Variants in KLHDC2 observed in about 807,000 individuals in gnomAD.
KLHDC2 encodes the protein kelch domain-containing protein 2.
A neutral mutation model predicts 62.3 loss-of-function variants in KLHDC2; 38 were observed. That is an observed-to-expected ratio of 0.61 (90% CI 0.47 to 0.80). KLHDC2 has a LOEUF of 0.80. KLHDC2 is among the 30% of genes least tolerant of loss of function. The pLI is 0.00. For synonymous variants in KLHDC2, 159 were observed against 161.0 expected (o/e 0.99, Z 0.09); for missense variants, 430 against 495.3 (o/e 0.87, Z 1.25).
chr14:49,781,816 A>G (rs761636719), intron 10 of KLHDC2, among the ~76,000 whole-genome samples: 1 of 152,208 alleles, frequency 6.6e-6, no homozygotes, highest in Non-Finnish European at 1.5e-5. Context: ...AACACTGATA[A>G]TTTTCTCTTG....
rs765718382 is a variant in KLHDC2, at chr14:49,782,973, A to T, written c.*20A>T. ...TCTTAAGGCTTCATAAATAATGCCT[A>T]TGATCACCTTGCATGGACAGCAATC... On this transcript the variant is annotated 3_prime_UTR_variant, in exon 13 of 13. Coordinates refer to ENST00000298307, the MANE Select transcript of KLHDC2 (RefSeq NM_014315.3). 3 of 1,607,848 alleles carry T rather than the reference A, an allele frequency of 1.9e-6. No homozygotes were observed. The East Asian group carries it at 6.7e-5, about 36-fold the overall frequency.
chr14:49,773,171 T>C (rs1318625734), intron 2 of KLHDC2, among the ~76,000 whole-genome samples: 2 of 152,010 alleles, frequency 1.3e-5, no homozygotes, highest in Non-Finnish European at 2.9e-5. Flanking sequence ...CCCAGCACTT[T>C]GGGAAGCCGA....
In KLHDC2 at chr14:49,782,585, C is replaced by T. The variant is rs1478535502; in HGVS notation, c.1088C>T (p.Ser363Phe). 1.9e-6 allele frequency: 3 copies of T among 1,604,960 alleles called. No homozygotes were observed. The highest frequency in any genetic ancestry group is 2.6e-6 in the Non-Finnish European group (3 of 1,173,802). Reference protein sequence around the residue: ...EILIFSVQPKSLVRLSLEAVI... With the variant: ...EILIFSVQPKFLVRLSLEAVI... ...CTAATATTTTCAGTTCAACCAAAAT[C>T]TCTTGTACGGTAAGTAACTTTGTAC... The change falls in exon 12 of 13, where the codon TCT (serine) becomes TTT (phenylalanine). Residue 363 changes from serine to phenylalanine, a missense_variant. Transcript: ENST00000298307.
chr14:49,770,368 G>C (rs2139788365), intron 1 of KLHDC2, among the ~76,000 whole-genome samples: 1 of 152,314 alleles, frequency 6.6e-6, no homozygotes, highest in East Asian at 1.9e-4. Context: ...AGGACAGGCT[G>C]GTCCCCTGTG....
chr14:49,778,359 C>T, intron 5 of KLHDC2, 52 bp from the exon 6 acceptor site: 2 of 1,356,394 alleles, frequency 1.5e-6, no homozygotes, highest in Non-Finnish European at 2.1e-6. Context: ...GGCAGGCTGT[C>T]TAATTTTATA....
At chr14:49,782,508 G>C in intron 11 of KLHDC2, 34 bp from the exon 12 acceptor site, 2 of 1,598,182 alleles carry the variant, frequency 1.3e-6, no homozygotes, top group Middle Eastern at 3.3e-4. Context: ...CAAAGCATTT[G>C]CTTTTAAATG....
At chr14:49,782,024 C>T (rs1294975734) in intron 10 of KLHDC2, 3 of 218,446 alleles carry the variant, frequency 1.4e-5, no homozygotes, top group Admixed American at 5.8e-5. Flanking sequence ...ATCCCTCAGA[C>T]GTTCTGTGTA....
At chr14:49,782,278 C>A in intron 10 of KLHDC2, 92 bp from the exon 11 acceptor site, 2 of 769,256 alleles carry the variant, frequency 2.6e-6, no homozygotes, top group Non-Finnish European at 4.3e-6. Context: ...ACCTTAAGAT[C>A]GCTAGTCTTT....
chr14:49,781,437 A>C (rs2139803149), intron 10 of KLHDC2, among the ~76,000 whole-genome samples: 1 of 150,768 alleles, frequency 6.6e-6, no homozygotes, highest in South Asian at 2.1e-4. Context: ...ATCACATGGG[A>C]GGCGAGGTAC....
chr14:49,775,585 T>A (rs1889753586), intron 3 of KLHDC2, among the ~76,000 whole-genome samples: 1 of 146,542 alleles, frequency 6.8e-6, no homozygotes, highest in African/African-American at 2.5e-5. Flanking sequence ...TTGGAAGGAG[T>A]AGCCAAGATA....
chr14:49,768,403 T>G lies in KLHDC2; in HGVS notation c.-66T>G. ...TCGCGCCGCTGTGCATTTCTCTCCT[T>G]TTCCTTTGTTTTTTTGGCCCCTCGC... On this transcript the variant is annotated 5_prime_UTR_variant, in exon 1 of 13. Coordinates refer to ENST00000298307, the MANE Select transcript of KLHDC2 (RefSeq NM_014315.3). 1 of 1,543,528 alleles carries G rather than the reference T, an allele frequency of 6.5e-7. No individual in the cohort carries two copies. Among genetic ancestry groups the G allele is most frequent in the Non-Finnish European group, 8.8e-7 (1 of 1,138,396 alleles).
At chr14:49,768,703 C>T (rs1889596629) in intron 1 of KLHDC2, 82 bp downstream of exon 1, 7 of 1,348,944 alleles carry the variant, frequency 5.2e-6, no homozygotes, top group Non-Finnish European at 1.9e-6. Flanking sequence ...GAGGCCAGAG[C>T]GGGCCGCCGA....
intron 5 of KLHDC2, 34 bp downstream of exon 5, chr14:49,778,293 T>C: frequency 7.0e-7 from 1 of 1,422,860 alleles, no homozygotes; most frequent in Non-Finnish European, 9.9e-7. Context: ...TATGGCCTCC[T>C]TAGTATGTTG....
At chr14:49,780,356 C>A in intron 9 of KLHDC2, 34 bp downstream of exon 9, 1 of 1,282,802 alleles carries the variant, frequency 7.8e-7, no homozygotes, top group South Asian at 1.2e-5. Flanking sequence ...ATGAAATCAT[C>A]ATATATCATC....
intron 3 of KLHDC2, 147 bp from the exon 4 acceptor site, chr14:49,777,692 C>CT (rs1223574957): frequency 3.8e-6 from 2 of 523,036 alleles, no homozygotes; most frequent in East Asian, 3.2e-5. Context: ...CATCTGGACT[C>CT]TGAGCAGTCT....
intron 1 of KLHDC2, among the ~76,000 whole-genome samples, chr14:49,769,874 G>T (rs865929745): frequency 2.0e-5 from 3 of 151,520 alleles, no homozygotes; most frequent in Admixed American, 6.6e-5. Context: ...CCAGGGAGGC[G>T]GAGTTTGCAG....
intron 2 of KLHDC2, among the ~76,000 whole-genome samples, chr14:49,773,000 G>T (rs930123421): frequency 1.5e-4 from 23 of 152,136 alleles, no homozygotes; most frequent in Non-Finnish European, 2.1e-4. Context: ...AATAAGTCAT[G>T]ATTATTTCTG....
chr14:49,770,622 ATCATTACT>A (rs543775579), intron 1 of KLHDC2, among the ~76,000 whole-genome samples: 308 of 152,328 alleles, frequency 2.0e-3, no homozygotes, highest in African/African-American at 6.7e-3. Context: ...TCCTGGCTCC[ATCATTACT>A]TCATAAATAA....
rs192320419 is a variant in KLHDC2, at chr14:49,780,542, A to G, written c.884-161A>G. The stretch of plus-strand genomic sequence containing the variant: ...AAGAGCCCTGCTGAAGGGCTACAAC[A>G]TGCAAAGGGCTTACTTGGCTAATTG... On this transcript the variant is annotated intron_variant, in intron 9 of 12. Transcript: ENST00000298307. The G allele has an allele frequency of 1.2e-3, 779 of 658,314 alleles. 4 individuals carry two copies. In the African/African-American group the frequency reaches 0.012, roughly 10 times the overall value. The allele number at this position is 658,314 out of a possible 1,614,324, so 40.8% of individuals were successfully genotyped here.
Sources: gnomAD v4.1 joint callset for allele counts (sites outside exome capture counted in the v4.1 genomes callset) on GRCh38, gnomAD v4.1.1 for gene constraint, MANE v1.5 for transcripts, NCBI Gene and HGNC (gene_info 2026-07-23, HGNC 2026-07-21) for gene names.